Variants in ERC2 observed in about 807,000 individuals in gnomAD.
The protein encoded by ERC2 is ELKS/RAB6-interacting/CAST family member 2.
ERC2 carries 42 observed loss-of-function variants against 114.8 expected under a neutral mutation model. The ratio of observed to expected loss-of-function variants is 0.37; its 90% CI spans 0.29 to 0.47. The LOEUF (loss-of-function observed/expected upper bound fraction) is 0.47, where lower values mean the gene tolerates loss of function less well. Among genes scored for constraint, ERC2 ranks in the 20% least tolerant of loss-of-function variants. The probability of loss-of-function intolerance (pLI) is 0.99; values close to 1 mark genes in which losing one functional copy is unlikely to be tolerated. For synonymous variants in ERC2, 454 were observed against 425.5 expected, an observed-to-expected ratio of 1.07 and a Z score of -0.82; for missense variants, 939 against 1,150.7, an observed-to-expected ratio of 0.82 and a Z score of 2.66.
chr3:55,761,138 C>T (rs1322083757), intron 14 of ERC2, among the ~76,000 whole-genome samples: 1 of 152,104 alleles, frequency 6.6e-6, no homozygotes, highest in African/African-American at 2.4e-5. Flanking sequence ...GAGTGGCTGC[C>T]GTTATGATGT....
At chr3:56,353,312 C>CTT (rs1451535777) in intron 2 of ERC2, among the ~76,000 whole-genome samples, 1 of 152,044 alleles carries the variant, frequency 6.6e-6, no homozygotes, top group Non-Finnish European at 1.5e-5. Context: ...CTCTCTCTCT[C>CTT]TCCATTCTGA....
chr3:56,281,244 C>T (rs1293094751), intron 3 of ERC2, among the ~76,000 whole-genome samples: 4 of 151,094 alleles, frequency 2.6e-5, no homozygotes, highest in Admixed American at 1.3e-4. Flanking sequence ...GAGACCATCC[C>T]GGCTAAAACG....
At chr3:56,256,774 T>G (rs1048516210) in intron 3 of ERC2, among the ~76,000 whole-genome samples, 1 of 152,178 alleles carries the variant, frequency 6.6e-6, no homozygotes, top group Non-Finnish European at 1.5e-5. Context: ...TGAGATCTGA[T>G]GGTTTTATAA....
intron 4 of ERC2, among the ~76,000 whole-genome samples, chr3:56,163,876 T>C: frequency 6.6e-6 from 1 of 152,072 alleles, no homozygotes; most frequent in Admixed American, 6.6e-5. Context: ...TCAAGATTAA[T>C]ATTGATATTT....
At chr3:56,029,700 A>G (rs2074261650) in intron 7 of ERC2, among the ~76,000 whole-genome samples, 1 of 132,150 alleles carries the variant, frequency 7.6e-6, no homozygotes, top group African/African-American at 2.6e-5. Context: ...GACATTGGCA[A>G]TATACATCTT....
At chr3:55,840,123 T>C (rs1374898076) in intron 14 of ERC2, among the ~76,000 whole-genome samples, 1 of 151,948 alleles carries the variant, frequency 6.6e-6, no homozygotes, top group Non-Finnish European at 1.5e-5. Flanking sequence ...AAGGAATCAT[T>C]TAACCAAGAG....
chr3:55,733,538 T>TCACACACACACACA (rs1196908352), intron 15 of ERC2, among the ~76,000 whole-genome samples: 4 of 74,246 alleles, frequency 5.4e-5, no homozygotes, highest in South Asian at 7.1e-4. Context: ...TCTTTCTCTC[T>TCACACACACACACA]CTCTCACACA....
At chr3:56,293,411 A>G (rs115061154) in intron 3 of ERC2, among the ~76,000 whole-genome samples, 169 of 152,334 alleles carry the variant, frequency 1.1e-3, no homozygotes, top group African/African-American at 3.8e-3. Flanking sequence ...CCCTAAGAGT[A>G]GCATCTTCCA....
chr3:56,096,273 AT>A (rs1294456635), intron 6 of ERC2, among the ~76,000 whole-genome samples: 2 of 152,340 alleles, frequency 1.3e-5, no homozygotes, highest in East Asian at 3.9e-4. Flanking sequence ...AGCAGTTATC[AT>A]TAAAAGCTAA....
At chr3:55,873,712 T>C (rs2062695358) in intron 14 of ERC2, among the ~76,000 whole-genome samples, 1 of 152,130 alleles carries the variant, frequency 6.6e-6, no homozygotes, top group South Asian at 2.1e-4. Flanking sequence ...AGTCAGTCCT[T>C]CTGCCACAGG....
At chr3:56,204,952 GTA>G (rs1553876537) in intron 3 of ERC2, among the ~76,000 whole-genome samples, 8 of 147,826 alleles carry the variant, frequency 5.4e-5, no homozygotes, top group East Asian at 2.0e-4. Flanking sequence ...GTGTGTGTGT[GTA>G]TGTCTGTCTG....
chr3:55,947,273 CCACA>C (rs1412798558), intron 13 of ERC2, among the ~76,000 whole-genome samples: 4 of 125,480 alleles, frequency 3.2e-5, no homozygotes, highest in African/African-American at 1.3e-4. Context: ...TCAACTATAT[CCACA>C]CACTAAGGCC....
chr3:56,416,187 C>T (rs149728894), intron 2 of ERC2, among the ~76,000 whole-genome samples: 212 of 152,258 alleles, frequency 1.4e-3, no homozygotes, highest in African/African-American at 4.9e-3. Context: ...ATGTACCAAG[C>T]AGTCTTTTTA....
chr3:56,059,031 G>A (rs2076131182), intron 7 of ERC2, among the ~76,000 whole-genome samples: 1 of 151,976 alleles, frequency 6.6e-6, no homozygotes, highest in African/African-American at 2.4e-5. Context: ...AAATTATAAG[G>A]CTTCATGTGC....
chr3:55,709,233 G>T (rs978753772), intron 15 of ERC2, among the ~76,000 whole-genome samples: 1 of 151,988 alleles, frequency 6.6e-6, no homozygotes, highest in Admixed American at 6.6e-5. Context: ...AGCCAGCAGC[G>T]CCCTCCGAAA....
At chr3:56,174,809 C>A (rs1195349091) in intron 3 of ERC2, among the ~76,000 whole-genome samples, 1 of 152,034 alleles carries the variant, frequency 6.6e-6, no homozygotes, top group Non-Finnish European at 1.5e-5. Flanking sequence ...GAAACCCTGT[C>A]TCTACTAAAA....
At chr3:56,222,246 A>T (rs1183747483) in intron 3 of ERC2, among the ~76,000 whole-genome samples, 5 of 152,186 alleles carry the variant, frequency 3.3e-5, no homozygotes, top group Admixed American at 6.5e-5. Flanking sequence ...AGCAGATTAA[A>T]GTTATAGATT....
intron 14 of ERC2, among the ~76,000 whole-genome samples, chr3:55,848,511 T>C (rs927850245): frequency 2.0e-5 from 3 of 152,206 alleles, no homozygotes; most frequent in African/African-American, 4.8e-5. Context: ...AAATTCCTTA[T>C]GGTGGCATTC....
At chr3:56,284,988 GTCTCTCTCTC>G (rs397873939) in intron 3 of ERC2, among the ~76,000 whole-genome samples, 2 of 115,514 alleles carry the variant, frequency 1.7e-5, no homozygotes, top group Non-Finnish European at 3.6e-5. Context: ...CAATCACTCT[GTCTCTCTCTC>G]TCTCTCTCTC....
Sources: gnomAD v4.1 joint callset for allele counts (sites outside exome capture counted in the v4.1 genomes callset) on GRCh38, gnomAD v4.1.1 for gene constraint, MANE v1.5 for transcripts, NCBI Gene and HGNC (gene_info 2026-07-23, HGNC 2026-07-21) for gene names.